The following PCDH15 variants were observed in gnomAD, a reference collection of about 807,000 sequenced individuals.
PCDH15 encodes the protein protocadherin related 15, also known as protocadherin-15.
PCDH15 carries 129 observed loss-of-function variants against 178.5 expected under a neutral mutation model. That is an observed-to-expected ratio of 0.72 (90% CI 0.63 to 0.84). The LOEUF is 0.84. PCDH15 is among the 40% of genes least tolerant of loss of function. PCDH15 has a pLI of 0.00. For synonymous variants in PCDH15, 800 were observed against 732.0 expected (o/e 1.09, Z -1.50); for missense variants, 2,230 against 2,099.9 (o/e 1.06, Z -1.21).
chr10:54,776,835 C>A (rs866065103), intron 1 of PCDH15, among the ~76,000 whole-genome samples: 5 of 152,040 alleles, frequency 3.3e-5, no homozygotes, highest in Admixed American at 6.6e-5. Context: ...TAGAGAGGAC[C>A]AAGAAGCTGT....
intron 32 of PCDH15, among the ~76,000 whole-genome samples, chr10:53,826,165 T>A (rs1328423402): frequency 6.6e-6 from 1 of 151,906 alleles, no homozygotes; most frequent in East Asian, 1.9e-4. Context: ...ACAATCATTT[T>A]TCAACTTACA....
chr10:54,430,201 A>T (rs1270701567), intron 3 of PCDH15, among the ~76,000 whole-genome samples: 1 of 151,910 alleles, frequency 6.6e-6, no homozygotes, highest in African/African-American at 2.4e-5. Context: ...GATTACAGGC[A>T]TGTGCCACCA....
At chr10:55,038,777 GATC>G (rs1265522971) in intron 2 of PCDH15, among the ~76,000 whole-genome samples, 2 of 152,084 alleles carry the variant, frequency 1.3e-5, no homozygotes, top group Non-Finnish European at 2.9e-5. Context: ...GATTCACTAT[GATC>G]ATCATATTTC....
At chr10:55,085,486 A>G (rs61547576) in intron 2 of PCDH15, among the ~76,000 whole-genome samples, 6,156 of 152,026 alleles carry the variant, frequency 0.04, 301 homozygotes, top group East Asian at 0.14. Context: ...CTAAAAGAGT[A>G]TAATTGGAAT....
At chr10:55,377,327 A>T (rs1281297297) in intron 2 of PCDH15, among the ~76,000 whole-genome samples, 1 of 151,910 alleles carries the variant, frequency 6.6e-6, no homozygotes, top group Non-Finnish European at 1.5e-5. Context: ...CAGTGCCAGT[A>T]TTTGGGGTAG....
chr10:55,016,397 C>T lies in PCDH15; in HGVS notation c.-79-118897G>A, dbSNP rs932329912. On this transcript the variant is annotated intron_variant, in intron 2 of 5. Transcript: ENST00000458638. ...TGTACCCATTAACCATCCACTCTTCCCTAGAACCCATCACCTTCCCCAGCC... is the reference window on the plus strand; with the variant it reads ...TGTACCCATTAACCATCCACTCTTCTCTAGAACCCATCACCTTCCCCAGCC... 2.6e-5 allele frequency among the ~76,000 whole-genome samples: 3 copies of T among 117,240 alleles called. No individual in the cohort carries two copies. The Admixed American group carries it at 2.6e-4, about 10-fold the overall frequency. 76.9% of individuals were successfully genotyped at this position (117,240 alleles called of 152,430 possible).
At chr10:54,416,325 T>TC (rs1954381199) in intron 3 of PCDH15, among the ~76,000 whole-genome samples, 1 of 152,058 alleles carries the variant, frequency 6.6e-6, no homozygotes, top group Non-Finnish European at 1.5e-5. Flanking sequence ...CATCCCTGTG[T>TC]CCACGTGTTC....
intron 2 of PCDH15, chr10:55,599,950 C>G: frequency 6.6e-7 from 1 of 1,517,850 alleles, no homozygotes. Flanking sequence ...GTGAAATTGA[C>G]CTACCTATGA....
intron 1 of PCDH15, among the ~76,000 whole-genome samples, chr10:55,276,776 T>G (rs1842607783): frequency 6.6e-6 from 1 of 151,556 alleles, no homozygotes; most frequent in Non-Finnish European, 1.5e-5. Flanking sequence ...CATTATTTCC[T>G]TAAATATATA....
rs556848387 is a variant in PCDH15 at position 55,222,951 on chromosome 10, G to T, written c.-155-56300C>A. Among the ~76,000 whole-genome samples, 6 of 151,596 alleles carry T rather than the reference G, an allele frequency of 4.0e-5. No homozygotes were observed. In the East Asian group the frequency reaches 5.8e-4, roughly 15 times the overall value. Reference sequence around the variant, plus strand: ...CATAGTTATTGATAACAATTTTTTTGATTACATTTCTTTACACATTCTTTA... The same window carrying T: ...CATAGTTATTGATAACAATTTTTTTTATTACATTTCTTTACACATTCTTTA... On this transcript the variant is annotated intron_variant, in intron 1 of 5. Transcript: ENST00000458638.
At chr10:55,394,361 T>G (rs1466821136) in intron 2 of PCDH15, among the ~76,000 whole-genome samples, 1 of 151,992 alleles carries the variant, frequency 6.6e-6, no homozygotes, top group Non-Finnish European at 1.5e-5. Flanking sequence ...GAAGTCTATT[T>G]GAAAGCAAAT....
intron 2 of PCDH15, among the ~76,000 whole-genome samples, chr10:55,419,941 C>T (rs1838579254): frequency 6.6e-6 from 1 of 151,656 alleles, no homozygotes; most frequent in African/African-American, 2.4e-5. Flanking sequence ...AATCTGGCCC[C>T]CTCCAGTTTT....
At chr10:54,225,164 G>A (rs927758142) in intron 9 of PCDH15, among the ~76,000 whole-genome samples, 3 of 152,086 alleles carry the variant, frequency 2.0e-5, no homozygotes, top group Non-Finnish European at 4.4e-5. Flanking sequence ...GAAAGACCGA[G>A]TTCTTGTCCC....
chr10:55,526,054 G>A (rs1191428247), intron 2 of PCDH15, among the ~76,000 whole-genome samples: 1 of 151,896 alleles, frequency 6.6e-6, no homozygotes, highest in Non-Finnish European at 1.5e-5. Context: ...TATGCAATTT[G>A]TTTAAAATTA....
At chr10:55,379,382 G>A (rs1332472864) in intron 2 of PCDH15, among the ~76,000 whole-genome samples, 1 of 151,548 alleles carries the variant, frequency 6.6e-6, no homozygotes, top group Admixed American at 6.6e-5. Flanking sequence ...AGAAAAAGTG[G>A]AAAAAAAGCT....
chr10:54,782,999 C>T (rs1365508921), intron 1 of PCDH15, among the ~76,000 whole-genome samples: 1 of 152,104 alleles, frequency 6.6e-6, no homozygotes, highest in Non-Finnish European at 1.5e-5. Context: ...CCTATAAAAG[C>T]TACTCCATAA....
At chr10:54,838,534 G>A (rs56662765) in intron 3 of PCDH15, among the ~76,000 whole-genome samples, 5,351 of 152,162 alleles carry the variant, frequency 0.035, 273 homozygotes, top group African/African-American at 0.12. Flanking sequence ...CCAGTCTCGA[G>A]TATTTCTTCA....
At chr10:54,326,911 CTTAAG>C (rs1938251913) in intron 7 of PCDH15, among the ~76,000 whole-genome samples, 1 of 152,088 alleles carries the variant, frequency 6.6e-6, no homozygotes, top group Non-Finnish European at 1.5e-5. Context: ...TACTGTATGA[CTTAAG>C]TTTATAACAA....
intron 2 of PCDH15, among the ~76,000 whole-genome samples, chr10:55,535,753 C>G (rs11004902): frequency 1.3e-5 from 2 of 151,964 alleles, no homozygotes; most frequent in African/African-American, 4.8e-5. Context: ...ATTCTGTACT[C>G]TTTTTGCCTT....
Sources: allele counts gnomAD v4.1 joint callset (sites outside exome capture counted in the v4.1 genomes callset), GRCh38; gene constraint gnomAD v4.1.1; transcripts MANE v1.5; gene names NCBI Gene and HGNC (gene_info 2026-07-23, HGNC 2026-07-21).